Variants in IL17RA observed in about 807,000 individuals in gnomAD.
The protein encoded by IL17RA is interleukin-17 receptor A.
In IL17RA, 34 loss-of-function variants were observed where a neutral mutation model predicts 50.4. The observed-to-expected ratio is 0.67, with a 90% CI of 0.51 to 0.90. The LOEUF is 0.90. Ranked by LOEUF, IL17RA falls within the 40% of genes least tolerant of loss-of-function variation. IL17RA has a pLI of 0.00. For missense variants in IL17RA, 1,276 were observed against 1,169.8 expected, an observed-to-expected ratio of 1.09 and a Z score of -1.32; for synonymous variants, 585 against 510.4, an observed-to-expected ratio of 1.15 and a Z score of -1.97.
At chr22:17,102,987 C>A (rs982994279) in intron 7 of IL17RA, among the ~76,000 whole-genome samples, 11 of 152,044 alleles carry the variant, frequency 7.2e-5, no homozygotes, top group Non-Finnish European at 8.8e-5. Context: ...ACTAAAAGTA[C>A]AAAAATTAGC....
chr22:17,108,376 C>T lies in IL17RA; in HGVS notation c.1157C>T (p.Ala386Val). 2.5e-6 allele frequency: 4 copies of T among 1,614,008 alleles called. No individual in the cohort carries two copies. The highest frequency in any genetic ancestry group is 3.4e-6 in the Non-Finnish European group (4 of 1,179,924). The change falls in exon 13 of 13, where the codon GCC becomes GTC. Residue 386 changes from alanine to valine, a missense_variant. Ala to Val is a moderately conservative substitution (Grantham distance 64, BLOSUM62 0). Coordinates refer to ENST00000319363, the MANE Select transcript of IL17RA (RefSeq NM_014339.7). ...KPRKVWIIYS[A>V]DHPLYVDVVL... ...AGGAAGGTCTGGATCATCTACTCAG[C>T]CGACCACCCCCTCTACGTGGACGTG...
chr22:17,110,126 T>G lies in IL17RA; in HGVS notation c.*306T>G. On this transcript the variant is annotated 3_prime_UTR_variant, in exon 13 of 13. Coordinates refer to ENST00000319363, the MANE Select transcript of IL17RA (RefSeq NM_014339.7). ...GTGCACCTACTATGTGGCGGGCATTTGGGATACCAAGATAAATTGCATGCG... is the reference window on the plus strand; with the variant it reads ...GTGCACCTACTATGTGGCGGGCATTGGGGATACCAAGATAAATTGCATGCG... 2.4e-6 allele frequency: 1 copy of G among 423,600 alleles called. No homozygotes were observed. Among genetic ancestry groups the G allele is most frequent in the South Asian group, 2.2e-5 (1 of 45,406 alleles). The allele number at this position is 423,600 out of a possible 1,614,324, so 26.2% of individuals were successfully genotyped here.
chr22:17,085,859 A>T (rs1194443051), intron 1 of IL17RA, among the ~76,000 whole-genome samples: 4 of 152,132 alleles, frequency 2.6e-5, no homozygotes, highest in Admixed American at 2.6e-4. Context: ...GAGCGCTGAG[A>T]CGCGGCACCA....
rs1412028212 is a variant in IL17RA at position 17,100,481 on chromosome 22, G to C, written c.550G>C (p.Asp184His). 6.2e-7 allele frequency: 1 copy of C among 1,614,028 alleles called. No individual in the cohort carries two copies. The highest frequency in any genetic ancestry group is 1.7e-5 in the Admixed American group (1 of 60,012). ...CCAGTCCAAGAATTTCCTTGTGCCTGGTAAGAGCATCCTCCCAAGACATTC... is the reference window on the plus strand; with the variant it reads ...CCAGTCCAAGAATTTCCTTGTGCCTCGTAAGAGCATCCTCCCAAGACATTC... ...NHQSKNFLVPDCEHARMKVTT... is the reference protein window; with the variant it reads ...NHQSKNFLVPHCEHARMKVTT... The change falls in exon 5 of 13, where the codon GAC becomes CAC. Residue 184 changes from aspartate to histidine, a missense_variant and splice_region_variant. Asp to His is a moderately conservative substitution (Grantham distance 81, BLOSUM62 -1). Coordinates refer to ENST00000319363, the MANE Select transcript of IL17RA (RefSeq NM_014339.7).
rs556662790 is a variant in IL17RA, at chr22:17,114,003, G to A, written c.*4183G>A. The A allele has an allele frequency of 6.6e-6, 1 of 152,154 alleles. No homozygotes were observed. The highest frequency in any genetic ancestry group is 6.6e-5 in the Admixed American group (1 of 15,264). 9.4% of individuals were successfully genotyped at this position (152,154 alleles called of 1,614,324 possible). A position where few individuals can be genotyped will look rare whatever the true frequency, so the allele number is the denominator to read the frequency against. On this transcript the variant is annotated 3_prime_UTR_variant, in exon 13 of 13. Coordinates refer to ENST00000319363, the MANE Select transcript of IL17RA (RefSeq NM_014339.7). ...TATTAGGTATTGCTCTCTTCCTCCG[G>A]TGTTTGCCTTTTCAGATTATAGAAG...
chr22:17,108,232 C>T (rs1472460959), intron 12 of IL17RA, 75 bp from the exon 13 acceptor site: 2 of 1,475,926 alleles, frequency 1.4e-6, no homozygotes, highest in Non-Finnish European at 1.9e-6. Context: ...GGTCCAGGCC[C>T]CTCCTGGGCT....
chr22:17,109,545 A>C lies in IL17RA; in HGVS notation c.2326A>C (p.Thr776Pro). The change falls in exon 13 of 13, where the codon ACA becomes CCA. Residue 776 changes from threonine (T) to proline (P), a missense_variant. By Grantham distance (38) the Thr-to-Pro change is conservative. Coordinates refer to ENST00000319363, the MANE Select transcript of IL17RA (RefSeq NM_014339.7). Reference sequence around the variant, plus strand: ...CTGCAGTAGACCCGCCATGGTCCTCACAGACCCACACACGCCCTACGAGGA... The same window carrying C: ...CTGCAGTAGACCCGCCATGGTCCTCCCAGACCCACACACGCCCTACGAGGA... ...GGCSRPAMVL[T>P]DPHTPYEEEQ... 6.3e-7 allele frequency: 1 copy of C among 1,599,612 alleles called. No homozygotes were observed. The highest frequency in any genetic ancestry group is 1.3e-5 in the African/African-American group (1 of 74,752).
Position 17,105,897 on chromosome 22 carries a change from A to T in IL17RA, c.988A>T (p.Ile330Phe). 6.2e-7 allele frequency: 1 copy of T among 1,614,142 alleles called. No homozygotes were observed. Among genetic ancestry groups the T allele is most frequent in the Non-Finnish European group, 8.5e-7 (1 of 1,180,016 alleles). Reference sequence around the variant, plus strand: ...GTACTGGTTCATCACGGGCATCTCCATCCTGCTGGTGGGCTCCGTCATCCT... The same window carrying T: ...GTACTGGTTCATCACGGGCATCTCCTTCCTGCTGGTGGGCTCCGTCATCCT... ...WVYWFITGIS[I>F]LLVGSVILLI... The change falls in exon 11 of 13, where the codon ATC becomes TTC. Residue 330 changes from isoleucine (I) to phenylalanine (F), a missense_variant. Ile to Phe is a conservative substitution (Grantham distance 21). Coordinates refer to ENST00000319363, the MANE Select transcript of IL17RA (RefSeq NM_014339.7).
chr22:17,094,562 C>T (rs748463293), intron 1 of IL17RA, among the ~76,000 whole-genome samples: 178 of 146,750 alleles, frequency 1.2e-3, no homozygotes, highest in Non-Finnish European at 2.2e-3. Flanking sequence ...CTTATCTTCC[C>T]TCATGCCATC....
intron 1 of IL17RA, among the ~76,000 whole-genome samples, chr22:17,094,675 C>CTATATATATATATATGTGTATA (rs1568917420): frequency 2.0e-5 from 1 of 49,336 alleles, no homozygotes; most frequent in Non-Finnish European, 3.9e-5. Context: ...CTCTCTCTCT[C>CTATATATATATATATGTGTATA]TCTCTCTCTC....
chr22:17,108,398 C>G lies in IL17RA; in HGVS notation c.1179C>G (p.Asp393Glu), dbSNP rs779479873. ...IYSADHPLYV[D>E]VVLKFAQFLL... The stretch of plus-strand genomic sequence containing the variant: ...CAGCCGACCACCCCCTCTACGTGGA[C>G]GTGGTCCTGAAATTCGCCCAGTTCC... The change falls in exon 13 of 13, where the codon GAC becomes GAG. Residue 393 changes from aspartate (D) to glutamate (E), a missense_variant. Asp to Glu is a conservative substitution (Grantham distance 45). Coordinates refer to ENST00000319363, the MANE Select transcript of IL17RA (RefSeq NM_014339.7). 10 of 1,614,064 alleles carry G rather than the reference C, an allele frequency of 6.2e-6. No homozygotes were observed. In the South Asian group the frequency reaches 8.8e-5, roughly 14 times the overall value.
At chr22:17,100,678 C>T (rs1320346533) in intron 5 of IL17RA, among the ~76,000 whole-genome samples, 197 bp downstream of exon 5, 2 of 152,218 alleles carry the variant, frequency 1.3e-5, no homozygotes, top group Admixed American at 6.5e-5. Flanking sequence ...GAGGCAGAGG[C>T]CATTCTCTGT....
rs1029914559 is a variant in IL17RA at position 17,085,297 on chromosome 22, C to G, written c.138+68C>G. 1.2e-5 allele frequency: 18 copies of G among 1,524,676 alleles called. No homozygotes were observed. The Admixed American group carries it at 2.4e-4, about 20-fold the overall frequency. The allele number at this position is 1,524,676 out of a possible 1,614,324, so 94.4% of individuals were successfully genotyped here. ...GACGCGGGGCAAGGTCGCGGAGGGC[C>G]GGACGGTCGGGACTACGCGCCCGGG... On this transcript the variant is annotated intron_variant, in intron 1 of 12. Coordinates refer to ENST00000319363, the MANE Select transcript of IL17RA (RefSeq NM_014339.7).
chr22:17,092,626 C>T (rs1008664502), intron 1 of IL17RA, among the ~76,000 whole-genome samples: 1 of 152,078 alleles, frequency 6.6e-6, no homozygotes, highest in Non-Finnish European at 1.5e-5. Flanking sequence ...TCTTCTGTGA[C>T]TTCTGTTGAT....
rs372510142 is a variant in IL17RA at position 17,108,784 on chromosome 22, G to A, written c.1565G>A (p.Arg522Gln). ...CCCGACCTGTTCGGCGCGGCGCCGC[G>A]GTACCCGCTCATGGACAGGTTCGAG... is the stretch of plus-strand genomic sequence containing the variant. Reference protein sequence around the residue: ...DVPDLFGAAPRYPLMDRFEEV... With the variant: ...DVPDLFGAAPQYPLMDRFEEV... Residue 522 changes from arginine to glutamine, a missense_variant, in exon 13 of 13, where the codon CGG becomes CAG. Physicochemically the swap from Arg to Gln is conservative, Grantham distance 43 (BLOSUM62 1). Transcript: ENST00000319363. The A allele has an allele frequency of 2.2e-5, 35 of 1,607,886 alleles. No homozygotes were observed. The African/African-American group carries it at 3.7e-4, about 17-fold the overall frequency.
intron 2 of IL17RA, chr22:17,097,412 A>ATTTTG (rs1038467932): frequency 2.0e-6 from 1 of 512,646 alleles, no homozygotes; most frequent in East Asian, 3.5e-5. Context: ...TGTGCTGTTG[A>ATTTTG]TTTTGTTTTG....
chr22:17,100,345 T>A lies in IL17RA; in HGVS notation c.424-10T>A. The A allele has an allele frequency of 6.2e-7, 1 of 1,614,090 alleles. No individual in the cohort carries two copies. Among genetic ancestry groups the A allele is most frequent in the East Asian group, 2.2e-5 (1 of 44,886 alleles). On this transcript the variant is annotated splice_polypyrimidine_tract_variant and intron_variant, in intron 4 of 12. Transcript: ENST00000319363. ...AATCCATCCACCTTCCCTTCCTCCC[T>A]TCTCTTCAGTGGCGTTTTACCTTCA...
intron 12 of IL17RA, 89 bp downstream of exon 12, chr22:17,107,857 T>A: frequency 8.5e-7 from 1 of 1,180,696 alleles, no homozygotes. Flanking sequence ...TCCTGTGCTC[T>A]AACTCCCAAG....
chr22:17,103,879 C>A (rs13057621), intron 8 of IL17RA, among the ~76,000 whole-genome samples: 1 of 91,260 alleles, frequency 1.1e-5, no homozygotes. Flanking sequence ...AGTGGTGTGG[C>A]TGGGAGTGGG....
Sources: gnomAD v4.1 joint callset for allele counts (sites outside exome capture counted in the v4.1 genomes callset) on GRCh38, gnomAD v4.1.1 for gene constraint, MANE v1.5 for transcripts, NCBI Gene and HGNC (gene_info 2026-07-23, HGNC 2026-07-21) for gene names.